MSRB3: variants seen among roughly 807,000 people sequenced by gnomAD.
The protein encoded by MSRB3 is methionine sulfoxide reductase B3.
In MSRB3, 13 loss-of-function variants were observed where a neutral mutation model predicts 21.0. That is an observed-to-expected ratio of 0.62 (90% CI 0.40 to 0.98). The LOEUF (loss-of-function observed/expected upper bound fraction) is 0.98, where lower values mean the gene tolerates loss of function less well. Ranked by LOEUF, MSRB3 falls within the 50% of genes least tolerant of loss-of-function variation. The probability of loss-of-function intolerance (pLI) is 0.00; values close to 1 mark genes in which losing one functional copy is unlikely to be tolerated. For synonymous variants in MSRB3, 87 were observed against 88.6 expected, an observed-to-expected ratio of 0.98 and a Z score of 0.10; for missense variants, 199 against 230.3, an observed-to-expected ratio of 0.86 and a Z score of 0.88.
intron 1 of MSRB3, among the ~76,000 whole-genome samples, chr12:65,293,781 A>G (rs1488182724): frequency 6.6e-6 from 1 of 152,096 alleles, no homozygotes; most frequent in Non-Finnish European, 1.5e-5. Context: ...CTTTCTCCCC[A>G]GCTTCTGTTT....
intron 4 of MSRB3, among the ~76,000 whole-genome samples, chr12:65,352,199 C>G (rs925932741): frequency 6.6e-6 from 1 of 152,080 alleles, no homozygotes; most frequent in Admixed American, 6.6e-5. Flanking sequence ...ATAAACAGAG[C>G]CAACGACAAA....
chr12:65,376,789 C>T (rs1323698238), intron 5 of MSRB3, among the ~76,000 whole-genome samples: 1 of 152,050 alleles, frequency 6.6e-6, no homozygotes, highest in Non-Finnish European at 1.5e-5. Context: ...TGTAACAAAC[C>T]TGCATGTTCT....
At chr12:65,459,420 C>G (rs1445499710) in intron 6 of MSRB3, among the ~76,000 whole-genome samples, 3 of 152,192 alleles carry the variant, frequency 2.0e-5, no homozygotes, top group Non-Finnish European at 1.5e-5. Context: ...CACAGCCCAT[C>G]TCTCTTTTTC....
chr12:65,439,938 T>G (rs1882293385), intron 5 of MSRB3, among the ~76,000 whole-genome samples: 1 of 151,784 alleles, frequency 6.6e-6, no homozygotes, highest in Admixed American at 6.6e-5. Flanking sequence ...TGGTAGATAC[T>G]TGCCTTTCCT....
At chr12:65,333,322 G>A (rs1172399397) in intron 4 of MSRB3, among the ~76,000 whole-genome samples, 1 of 152,150 alleles carries the variant, frequency 6.6e-6, no homozygotes, top group South Asian at 2.1e-4. Flanking sequence ...AAATGCTTTT[G>A]TATGTAATAG....
chr12:65,418,290 A>G (rs1290506972), intron 5 of MSRB3, among the ~76,000 whole-genome samples: 1 of 152,196 alleles, frequency 6.6e-6, no homozygotes, highest in Admixed American at 6.5e-5. Flanking sequence ...TTTTTAGTAG[A>G]AACAGGGTTT....
At chr12:65,419,354 CT>C in intron 5 of MSRB3, 8 of 757,356 alleles carry the variant, frequency 1.1e-5, no homozygotes, top group Non-Finnish European at 2.4e-6. Flanking sequence ...GCTTGTAGGC[CT>C]TTTACTTCCT....
intron 1 of MSRB3, chr12:65,283,600 TGTA>T (rs1872170726): frequency 6.6e-6 from 1 of 152,132 alleles, no homozygotes; most frequent in Admixed American, 6.5e-5. Flanking sequence ...CCCAGCTAAT[TGTA>T]GTATTTTTTT....
At chr12:65,346,598 C>T (rs1876523147) in intron 4 of MSRB3, among the ~76,000 whole-genome samples, 1 of 152,080 alleles carries the variant, frequency 6.6e-6, no homozygotes, top group African/African-American at 2.4e-5. Flanking sequence ...AATTAGATCC[C>T]ATTTGTCAAT....
At position 65,291,715 on chromosome 12, in the gene MSRB3, A is replaced by G. The variant is rs182157972; in HGVS notation, c.-52+12850A>G. ...GTTCTCAGTTTGGAACCAGCATGGC[A>G]TGTTGTAGAAAGAGTAAGTAGACTA... On this transcript the variant is annotated intron_variant, in intron 1 of 6. Transcript: ENST00000308259. 6.6e-5 allele frequency among the ~76,000 whole-genome samples: 10 copies of G among 152,298 alleles called. No individual in the cohort carries two copies. The East Asian group carries it at 1.9e-3, about 29-fold the overall frequency.
At chr12:65,401,091 T>A (rs1592601930) in intron 5 of MSRB3, among the ~76,000 whole-genome samples, 1 of 152,142 alleles carries the variant, frequency 6.6e-6, no homozygotes, top group Admixed American at 6.5e-5. Context: ...ATTCTGTTGA[T>A]TTGGGGTGGA....
intron 1 of MSRB3, among the ~76,000 whole-genome samples, chr12:65,281,004 A>T (rs1871982573): frequency 6.6e-6 from 1 of 152,110 alleles, no homozygotes; most frequent in South Asian, 2.1e-4. Flanking sequence ...GTGTGGGAGG[A>T]TTGCTTGAAC....
chr12:65,388,846 G>A (rs1375887194), intron 5 of MSRB3, among the ~76,000 whole-genome samples: 1 of 152,136 alleles, frequency 6.6e-6, no homozygotes, highest in East Asian at 1.9e-4. Flanking sequence ...ACTCTAGCCT[G>A]GGTGACAGAG....
chr12:65,390,722 T>C (rs1489627357), intron 5 of MSRB3, among the ~76,000 whole-genome samples: 1 of 152,162 alleles, frequency 6.6e-6, no homozygotes, highest in Admixed American at 6.5e-5. Flanking sequence ...ACAGCCTAAA[T>C]GTCCAATAAC....
At chr12:65,322,952 C>A (rs1375934399) in intron 2 of MSRB3, among the ~76,000 whole-genome samples, 3 of 152,090 alleles carry the variant, frequency 2.0e-5, no homozygotes, top group South Asian at 2.1e-4. Context: ...CCACTTTAAT[C>A]ATAAAAACAA....
chr12:65,357,032 C>T (rs1009159016), intron 4 of MSRB3, among the ~76,000 whole-genome samples: 12 of 151,766 alleles, frequency 7.9e-5, no homozygotes, highest in Admixed American at 4.6e-4. Context: ...TAGTAGCTCA[C>T]GAGAATAAAC....
chr12:65,413,520 T>C (rs986297959), intron 5 of MSRB3, among the ~76,000 whole-genome samples: 1 of 152,138 alleles, frequency 6.6e-6, no homozygotes, highest in African/African-American at 2.4e-5. Context: ...TTTAGCTTAT[T>C]CTCTTCTTTT....
intron 5 of MSRB3, among the ~76,000 whole-genome samples, chr12:65,433,638 G>T (rs1256349583): frequency 6.6e-6 from 1 of 151,812 alleles, no homozygotes; most frequent in South Asian, 2.1e-4. Flanking sequence ...CTCCAAGGTT[G>T]TTGTATGATA....
At chr12:65,308,713 T>C in intron 2 of MSRB3, 58 bp downstream of exon 2, 1 of 1,611,728 alleles carries the variant, frequency 6.2e-7, no homozygotes, top group Non-Finnish European at 8.5e-7. Context: ...GTGTTTCTGC[T>C]GCAGGAAATG....
Sources: gnomAD v4.1 joint callset for allele counts (sites outside exome capture counted in the v4.1 genomes callset) on GRCh38, gnomAD v4.1.1 for gene constraint, MANE v1.5 for transcripts, NCBI Gene and HGNC (gene_info 2026-07-23, HGNC 2026-07-21) for gene names.